Variants in GTF3C3 observed in about 807,000 individuals in gnomAD.
GTF3C3 encodes general transcription factor 3C polypeptide 3.
GTF3C3 carries 75 observed loss-of-function variants against 105.2 expected under a neutral mutation model. The ratio of observed to expected loss-of-function variants is 0.71; its 90% CI spans 0.59 to 0.86. The LOEUF is 0.86. GTF3C3 is among the 40% of genes least tolerant of loss of function. GTF3C3 has a pLI of 0.00. For synonymous variants in GTF3C3, 335 were observed against 370.4 expected, an observed-to-expected ratio of 0.90 and a Z score of 1.10; for missense variants, 856 against 1,076.5, an observed-to-expected ratio of 0.80 and a Z score of 2.87.
chr2:196,778,698 T>C (rs1231752134), intron 10 of GTF3C3, 198 bp downstream of exon 10: 1 of 587,364 alleles, frequency 1.7e-6, no homozygotes, highest in South Asian at 2.0e-5. Flanking sequence ...CTGGCATCAT[T>C]AAGTAAATCA....
intron 3 of GTF3C3, 63 bp from the exon 4 acceptor site, chr2:196,791,523 C>A (rs1699549266): frequency 7.0e-7 from 1 of 1,425,950 alleles, no homozygotes; most frequent in Non-Finnish European, 9.6e-7. Flanking sequence ...TCAATTCCAG[C>A]CATATTAATA....
At chr2:196,787,637 C>T (rs959132872) in intron 6 of GTF3C3, among the ~76,000 whole-genome samples, 7 of 152,154 alleles carry the variant, frequency 4.6e-5, no homozygotes, top group Non-Finnish European at 1.0e-4. Context: ...AACACACCCC[C>T]ACCACATACC....
chr2:196,793,033 TTTCTTCCTCCTCCTCCTCCTCCTCCTC>T lies in GTF3C3; in HGVS notation c.307_333del (p.Glu103_Glu111del). On this transcript the variant is annotated inframe_deletion, in exon 3 of 18. Coordinates refer to ENST00000263956, the MANE Select transcript of GTF3C3 (RefSeq NM_012086.5). ...TCGCCCGCAGTGGGTTGCTCAGGTG[TTTCTTCCTCCTCCTCCTCCTCCTCCTC>T]TTCTTCCTCTTCCTCCTCATCATCT... is the stretch of plus-strand genomic sequence containing the variant. 6.2e-7 allele frequency: 1 copy of T among 1,613,678 alleles called. No individual in the cohort carries two copies. The highest frequency in any genetic ancestry group is 1.3e-5 in the African/African-American group (1 of 74,958).
intron 7 of GTF3C3, 152 bp downstream of exon 7, chr2:196,785,289 G>T: frequency 1.8e-6 from 1 of 567,228 alleles, no homozygotes; most frequent in Non-Finnish European, 3.0e-6. Flanking sequence ...ATTTCATACT[G>T]AATTGCTACA....
intron 9 of GTF3C3, chr2:196,780,259 A>C: frequency 9.8e-7 from 1 of 1,025,606 alleles, no homozygotes; most frequent in Middle Eastern, 4.4e-4. Context: ...TCCGCAAAAA[A>C]GAATAGCTGT....
At chr2:196,783,915 C>T (rs1037446115) in intron 8 of GTF3C3, among the ~76,000 whole-genome samples, 1 of 152,170 alleles carries the variant, frequency 6.6e-6, no homozygotes, top group African/African-American at 2.4e-5. Flanking sequence ...ACTTACTGAA[C>T]TGGGTTTCCC....
rs776363981 is a variant in GTF3C3, at chr2:196,764,570, G to C, written c.2654C>G (p.Ser885Cys). ...MAQTLLYTYC[S>C]I ...GTTCTCAGTTGCGGTGCTTTATATA[G>C]AACAATAGGTATACAAAAGCGTTTG... Residue 885 changes from serine (S) to cysteine (C), a missense_variant, in exon 18 of 18, where the codon TCT becomes TGT. By Grantham distance (112) the Ser-to-Cys change is moderately radical. Around this residue, in one of 3 missense-constraint regions of GTF3C3, gnomAD observed 134 missense variants for 128.9 expected, o/e 1.04. Coordinates refer to ENST00000263956, the MANE Select transcript of GTF3C3 (RefSeq NM_012086.5). 2.6e-5 allele frequency: 42 copies of C among 1,613,784 alleles called. No individual in the cohort carries two copies. Among genetic ancestry groups the C allele is most frequent in the Non-Finnish European group, 3.3e-5 (39 of 1,179,794 alleles).
intron 17 of GTF3C3, 67 bp downstream of exon 17, chr2:196,766,498 C>CTTAG: frequency 8.3e-7 from 1 of 1,211,630 alleles, no homozygotes; most frequent in Non-Finnish European, 1.2e-6. Flanking sequence ...ACTGGCTGGA[C>CTTAG]TTAGCTAACT....
At chr2:196,790,383 G>A (rs542124471) in intron 4 of GTF3C3, among the ~76,000 whole-genome samples, 4 of 152,188 alleles carry the variant, frequency 2.6e-5, no homozygotes, top group African/African-American at 9.6e-5. Flanking sequence ...CTCAATATCA[G>A]CAAGTTCATC....
At chr2:196,769,291 C>A (rs1237302402) in intron 16 of GTF3C3, among the ~76,000 whole-genome samples, 1 of 152,134 alleles carries the variant, frequency 6.6e-6, no homozygotes, top group Non-Finnish European at 1.5e-5. Flanking sequence ...TCTTTCTTTT[C>A]TCACCTACTA....
At chr2:196,773,296 A>G in intron 13 of GTF3C3, 143 bp from the exon 14 acceptor site, 2 of 646,260 alleles carry the variant, frequency 3.1e-6, no homozygotes, top group Non-Finnish European at 5.6e-6. Context: ...CAAAGATGAG[A>G]AGGGGTAGTT....
chr2:196,798,958 G>A (rs1699697815), intron 1 of GTF3C3, among the ~76,000 whole-genome samples: 1 of 151,634 alleles, frequency 6.6e-6, no homozygotes, highest in Admixed American at 6.6e-5. Flanking sequence ...TAAGCAAGAA[G>A]ATACAGTAAG....
chr2:196,790,555 T>TTCAAAGATTATGAAGTATTAAAG lies in GTF3C3; in HGVS notation c.536-508_536-486dup, dbSNP rs1455088303. Among the ~76,000 whole-genome samples the TTCAAAGATTATGAAGTATTAAAG allele has an allele frequency of 3.9e-5, 6 of 152,086 alleles. 1 individual carries two copies. The highest frequency in any genetic ancestry group is 1.3e-4 in the Admixed American group (2 of 15,278). Reference sequence around the variant, plus strand: ...CTGAAATACTGTTTCTGAAACAAAATTCAAAGATTATGAAGTATTAAAGTC... The same window carrying TTCAAAGATTATGAAGTATTAAAG: ...CTGAAATACTGTTTCTGAAACAAAATTCAAAGATTATGAAGTATTAAAGTCAAAGATTATGAAGTATTAAAGTC... On this transcript the variant is annotated intron_variant, in intron 4 of 17. Transcript: ENST00000263956.
intron 10 of GTF3C3, chr2:196,778,638 A>T (rs1699295831): frequency 2.1e-6 from 1 of 482,116 alleles, no homozygotes; most frequent in African/African-American, 1.9e-5. Flanking sequence ...TATGGTTAAG[A>T]GAGGTTCAAG....
chr2:196,773,088 T>C lies in GTF3C3; in HGVS notation c.1897A>G (p.Ile633Val), dbSNP rs555008795. The C allele has an allele frequency of 8.1e-6, 13 of 1,613,604 alleles. No individual in the cohort carries two copies. Among genetic ancestry groups the C allele is most frequent in the South Asian group, 7.7e-5 (7 of 91,008 alleles). The change falls in exon 14 of 18, where the codon ATA becomes GTA. Residue 633 changes from isoleucine to valine, a missense_variant. Physicochemically the swap from Ile to Val is conservative, Grantham distance 29. Coordinates refer to ENST00000263956, the MANE Select transcript of GTF3C3 (RefSeq NM_012086.5). Reference protein sequence around the residue: ...DDWWNLLLKAIYSLCDLSRFQ... With the variant: ...DDWWNLLLKAVYSLCDLSRFQ... ...CGGGATAGGTCACATAAGGAGTATA[T>C]GGCCTTCAACAGAAGATTCCACCAG...
Position 196,790,068 on chromosome 2 carries a change from G to C in GTF3C3, c.538C>G (p.Pro180Ala). 6.3e-7 allele frequency: 1 copy of C among 1,582,358 alleles called. No individual in the cohort carries two copies. Among genetic ancestry groups the C allele is most frequent in the Non-Finnish European group, 8.6e-7 (1 of 1,166,770 alleles). Residue 180 changes from proline to alanine, a missense_variant and splice_region_variant, in exon 5 of 18, where the codon CCT (proline) becomes GCT (alanine). By Grantham distance (27) the Pro-to-Ala change is conservative. Coordinates refer to ENST00000263956, the MANE Select transcript of GTF3C3 (RefSeq NM_012086.5). The stretch of plus-strand genomic sequence containing the variant: ...GTAGAGAATGGCTCATAAGCCAGAG[G>C]AGCTATAACAAATTAAAAAAATAAA... ...LMCMEIIRQA[P>A]LAYEPFSTLA...
At chr2:196,796,709 C>T (rs1462758549) in intron 2 of GTF3C3, among the ~76,000 whole-genome samples, 3 of 152,120 alleles carry the variant, frequency 2.0e-5, no homozygotes, top group Non-Finnish European at 2.9e-5. Flanking sequence ...GTTTCCTCAC[C>T]CCCTTTTGTC....
At chr2:196,779,354 C>T (rs1030422893) in intron 9 of GTF3C3, among the ~76,000 whole-genome samples, 1 of 152,058 alleles carries the variant, frequency 6.6e-6, no homozygotes, top group Non-Finnish European at 1.5e-5. Context: ...TCTCAAACTC[C>T]TGGCCTCAAG....
chr2:196,773,634 G>T (rs1173373619), intron 13 of GTF3C3: 4 of 415,920 alleles, frequency 9.6e-6, no homozygotes, highest in Admixed American at 2.5e-5. Context: ...CATTATTATT[G>T]TTGTAATATA....
Sources: gnomAD v4.1 joint callset for allele counts (sites outside exome capture counted in the v4.1 genomes callset) on GRCh38, gnomAD v4.1.1 for gene constraint, gnomAD v4.1.1 regional missense constraint, MANE v1.5 for transcripts, NCBI Gene and HGNC (gene_info 2026-07-23, HGNC 2026-07-21) for gene names.